XXYLT1: variants seen among roughly 807,000 people sequenced by gnomAD.
XXYLT1 encodes xyloside xylosyltransferase 1.
In XXYLT1, 20 loss-of-function variants were observed where a neutral mutation model predicts 28.9. That is an observed-to-expected ratio of 0.69 (90% CI 0.49 to 1.00). The LOEUF is 1.00. XXYLT1 is among the 50% of genes least tolerant of loss of function. The probability of loss-of-function intolerance (pLI) is 0.00; values close to 1 mark genes in which losing one functional copy is unlikely to be tolerated. For missense variants in XXYLT1, 542 were observed against 560.1 expected, an observed-to-expected ratio of 0.97 and a Z score of 0.33; for synonymous variants, 257 against 253.8, an observed-to-expected ratio of 1.01 and a Z score of -0.12.
At chr3:195,174,345 C>CT (rs915743387) in intron 2 of XXYLT1, among the ~76,000 whole-genome samples, 23 of 151,208 alleles carry the variant, frequency 1.5e-4, no homozygotes, top group Non-Finnish European at 2.7e-4. Context: ...GCAATTATAC[C>CT]TTTTTTTTTC....
intron 2 of XXYLT1, among the ~76,000 whole-genome samples, chr3:195,174,526 CAG>C (rs1406814325): frequency 6.6e-6 from 1 of 152,002 alleles, no homozygotes; most frequent in Admixed American, 6.6e-5. Flanking sequence ...TTTTAAAAGA[CAG>C]AGTCTCATTA....
At chr3:195,192,427 G>A (rs58159055) in intron 2 of XXYLT1, among the ~76,000 whole-genome samples, 7,003 of 131,954 alleles carry the variant, frequency 0.053, 550 homozygotes, top group African/African-American at 0.18. Flanking sequence ...TCTGTCTCAA[G>A]AAAAAAAAAA....
At chr3:195,264,842 T>C (rs1725792950) in intron 1 of XXYLT1, among the ~76,000 whole-genome samples, 1 of 152,074 alleles carries the variant, frequency 6.6e-6, no homozygotes, top group African/African-American at 2.4e-5. Flanking sequence ...GGCAGGAGGA[T>C]CACTAGTTTG....
At chr3:195,105,722 G>C (rs1717044158) in intron 3 of XXYLT1, among the ~76,000 whole-genome samples, 1 of 151,842 alleles carries the variant, frequency 6.6e-6, no homozygotes, top group South Asian at 2.1e-4. Flanking sequence ...ATCAGCGGGG[G>C]CCAAGGGATC....
intron 2 of XXYLT1, among the ~76,000 whole-genome samples, chr3:195,157,586 C>T (rs1720669437): frequency 6.6e-6 from 1 of 152,166 alleles, no homozygotes. Flanking sequence ...AAGGTCATTC[C>T]CCTATCCTTC....
intron 3 of XXYLT1, chr3:195,154,123 C>G (rs1720432353): frequency 6.6e-6 from 1 of 152,124 alleles, no homozygotes; most frequent in South Asian, 2.1e-4. Context: ...GGAGAGGGCT[C>G]CACCACCACC....
chr3:195,205,060 AT>A (rs1314270352), intron 2 of XXYLT1, among the ~76,000 whole-genome samples: 1 of 152,350 alleles, frequency 6.6e-6, no homozygotes, highest in East Asian at 1.9e-4. Flanking sequence ...TGCTGTTGGG[AT>A]TTTGCCAAAC....
chr3:195,110,584 G>A (rs1360097755), intron 3 of XXYLT1, among the ~76,000 whole-genome samples: 1 of 56,920 alleles, frequency 1.8e-5, no homozygotes, highest in Non-Finnish European at 3.7e-5. Flanking sequence ...GTTGTGTGGT[G>A]TATGTGTGTG....
intron 3 of XXYLT1, among the ~76,000 whole-genome samples, chr3:195,096,546 C>T (rs1018899461): frequency 3.9e-5 from 6 of 152,210 alleles, no homozygotes; most frequent in African/African-American, 9.6e-5. Context: ...CCTCGGCCTT[C>T]GGGAAAATGG....
rs3073320 is a variant in XXYLT1, at chr3:195,143,784, T to TTATATATATA, written c.785+12655_785+12664dup. 9.3e-4 allele frequency among the ~76,000 whole-genome samples: 106 copies of TTATATATATA among 113,904 alleles called. 4 individuals carry two copies. Among genetic ancestry groups the TTATATATATA allele is most frequent in the Admixed American group, 2.2e-3 (23 of 10,410 alleles). 74.7% of individuals were successfully genotyped at this position (113,904 alleles called of 152,430 possible). ...TGAGAGCTAACCAAATGTTCTCTCA[T>TTATATATATA]TATATATATATATATAGATAGATAT... On this transcript the variant is annotated intron_variant, in intron 3 of 3. Transcript: ENST00000310380.
At chr3:195,226,610 C>G in intron 2 of XXYLT1, 99 bp downstream of exon 2, 4 of 1,441,646 alleles carry the variant, frequency 2.8e-6, no homozygotes, top group Non-Finnish European at 3.7e-6. Flanking sequence ...TTCAGTGGAG[C>G]TATTCTCCCT....
chr3:195,087,255 G>A (rs756795847), intron 3 of XXYLT1: 1 of 152,348 alleles, frequency 6.6e-6, no homozygotes, highest in Non-Finnish European at 1.5e-5. Flanking sequence ...CCCTCTTCCC[G>A]TTTGTACCCA....
intron 3 of XXYLT1, among the ~76,000 whole-genome samples, chr3:195,075,279 G>A (rs1049601479): frequency 1.3e-5 from 2 of 152,082 alleles, no homozygotes; most frequent in Middle Eastern, 3.2e-3. Context: ...TGTTCCTAAC[G>A]TCACACAGGC....
At chr3:195,100,593 C>A (rs1450615295) in intron 3 of XXYLT1, among the ~76,000 whole-genome samples, 1 of 152,116 alleles carries the variant, frequency 6.6e-6, no homozygotes, top group Non-Finnish European at 1.5e-5. Flanking sequence ...CCCTGGCACT[C>A]TCCCCGGCAC....
chr3:195,230,261 C>T (rs576318451), intron 1 of XXYLT1, among the ~76,000 whole-genome samples: 11 of 152,188 alleles, frequency 7.2e-5, no homozygotes, highest in African/African-American at 2.4e-4. Context: ...GTTGTTTGAG[C>T]CCCTTATATA....
At chr3:195,138,155 C>T (rs6784851) in intron 3 of XXYLT1, among the ~76,000 whole-genome samples, 6,836 of 152,288 alleles carry the variant, frequency 0.045, 522 homozygotes, top group African/African-American at 0.15. Context: ...ATAAGAGAAG[C>T]AAGTTATCTT....
At chr3:195,207,579 T>C in intron 2 of XXYLT1, 1 of 423,944 alleles carries the variant, frequency 2.4e-6, no homozygotes, top group Non-Finnish European at 4.8e-6. Context: ...AGGTGCCGCC[T>C]CCTTGGCACT....
intron 3 of XXYLT1, among the ~76,000 whole-genome samples, chr3:195,121,315 G>A (rs1157147288): frequency 6.6e-6 from 1 of 152,244 alleles, no homozygotes; most frequent in East Asian, 1.9e-4. Context: ...AGGACAAGAT[G>A]GTGATGAGAG....
intron 2 of XXYLT1, among the ~76,000 whole-genome samples, chr3:195,183,084 G>A (rs1455453845): frequency 6.6e-6 from 1 of 152,166 alleles, no homozygotes; most frequent in Non-Finnish European, 1.5e-5. Flanking sequence ...AATAATTGAT[G>A]AGCTCATATA....
Sources: gnomAD v4.1 joint callset for allele counts (sites outside exome capture counted in the v4.1 genomes callset) on GRCh38, gnomAD v4.1.1 for gene constraint, MANE v1.5 for transcripts, NCBI Gene and HGNC (gene_info 2026-07-23, HGNC 2026-07-21) for gene names.